PCDHGB1: variants seen among roughly 807,000 people sequenced by gnomAD.
PCDHGB1 encodes the protein protocadherin gamma-B1.
PCDHGB1 carries 34 observed loss-of-function variants against 56.6 expected under a neutral mutation model. The observed-to-expected ratio is 0.60, with a 90% CI of 0.46 to 0.80. The LOEUF is 0.80. PCDHGB1 is among the 30% of genes least tolerant of loss of function. PCDHGB1 has a pLI of 0.00. For missense variants in PCDHGB1, 1,278 were observed against 1,204.6 expected (o/e 1.06, Z -0.90); for synonymous variants, 561 against 505.9 (o/e 1.11, Z -1.46).
intron 1 of PCDHGB1, chr5:141,430,769 G>T: frequency 6.6e-7 from 1 of 1,508,212 alleles, no homozygotes; most frequent in Non-Finnish European, 8.9e-7. Context: ...AATGATTCCT[G>T]CGCGACTGCA....
intron 1 of PCDHGB1, chr5:141,365,023 G>C (rs775697621): frequency 6.8e-6 from 11 of 1,613,854 alleles, no homozygotes; most frequent in Non-Finnish European, 9.3e-6. Context: ...TCCGTGTTAC[G>C]GTCCTCGACG....
At chr5:141,435,446 G>C (rs889481920) in intron 1 of PCDHGB1, among the ~76,000 whole-genome samples, 5 of 152,060 alleles carry the variant, frequency 3.3e-5, no homozygotes, top group African/African-American at 2.4e-5. Context: ...TCATTAATAC[G>C]ATATCTGTAT....
intron 1 of PCDHGB1, chr5:141,385,306 A>T (rs1479708640): frequency 8.7e-6 from 14 of 1,612,618 alleles, no homozygotes; most frequent in Non-Finnish European, 1.2e-5. Context: ...ATGTAAAGAA[A>T]ACCTGCCAAG....
chr5:141,427,434 A>G (rs2097026509), intron 1 of PCDHGB1: 1 of 473,650 alleles, frequency 2.1e-6, no homozygotes, highest in African/African-American at 2.0e-5. Context: ...TACATGCCTC[A>G]TAAACGAAAG....
chr5:141,413,077 G>A (rs2095603422), intron 1 of PCDHGB1: 1 of 1,287,542 alleles, frequency 7.8e-7, no homozygotes, highest in African/African-American at 1.5e-5. Context: ...AAGTGCCCAG[G>A]CTACAGAGAC....
Position 141,491,793 on chromosome 5 carries a change from C to T in PCDHGB1, c.2410-3014C>T, listed in dbSNP as rs2099730341. 4.0e-6 allele frequency: 6 copies of T among 1,511,410 alleles called. No individual in the cohort carries two copies. Among genetic ancestry groups the T allele is most frequent in the East Asian group, 2.5e-5 (1 of 40,660 alleles). The allele number at this position is 1,511,410 out of a possible 1,614,324, so 93.6% of individuals were successfully genotyped here. A position where few individuals can be genotyped will look rare whatever the true frequency, so the allele number is the denominator to read the frequency against. On this transcript the variant is annotated intron_variant, in intron 1 of 3. Transcript: ENST00000523390. This position sits in a 1 kb window ranked among gnomAD's most constrained non-coding sequence, Gnocchi z 6.9. ...AGGGATTGAACTTGCATCCACTCCT[C>T]TCCGGCCGGCTTGGTCGCTGGCTGC...
intron 1 of PCDHGB1, chr5:141,378,642 C>T (rs780445527): frequency 5.9e-5 from 9 of 152,098 alleles, no homozygotes; most frequent in Non-Finnish European, 1.3e-4. Context: ...AATGGGAGAA[C>T]AAATGTTAAT....
At chr5:141,456,827 G>A (rs183303757) in intron 1 of PCDHGB1, among the ~76,000 whole-genome samples, 13 of 152,236 alleles carry the variant, frequency 8.5e-5, no homozygotes, top group South Asian at 2.1e-4. Flanking sequence ...AGCCATCGTG[G>A]TAGTGGGCGC....
At chr5:141,464,604 G>A (rs1445968596) in intron 1 of PCDHGB1, among the ~76,000 whole-genome samples, 1 of 152,106 alleles carries the variant, frequency 6.6e-6, no homozygotes, top group East Asian at 1.9e-4. Context: ...AGTCTCCTTT[G>A]CAGAGTATAT....
intron 1 of PCDHGB1, among the ~76,000 whole-genome samples, chr5:141,472,969 A>G: frequency 6.8e-6 from 1 of 147,990 alleles, no homozygotes; most frequent in Non-Finnish European, 1.5e-5. Flanking sequence ...CTGGGGAACA[A>G]GAGTGAAACT....
At chr5:141,362,681 T>A in intron 1 of PCDHGB1, 1 of 1,158,954 alleles carries the variant, frequency 8.6e-7, no homozygotes, top group Non-Finnish European at 1.2e-6. Flanking sequence ...TTAATTGTCT[T>A]AATCTTATCT....
At chr5:141,389,388 T>C (rs375763465) in intron 1 of PCDHGB1, 34 of 1,613,602 alleles carry the variant, frequency 2.1e-5, no homozygotes, top group Non-Finnish European at 2.6e-5. Context: ...GCTGTCATCC[T>C]ACGTGTCCAT....
At chr5:141,426,442 G>A (rs1205822455) in intron 1 of PCDHGB1, 9 of 306,752 alleles carry the variant, frequency 2.9e-5, no homozygotes, top group African/African-American at 4.3e-5. Context: ...CCTTGCGGAG[G>A]ACATGCGGCT....
chr5:141,352,342 G>T lies in PCDHGB1; in HGVS notation c.2082G>T (p.Leu694Phe). Residue 694 changes from leucine to phenylalanine, a missense_variant, in exon 1 of 4, where the codon TTG becomes TTT. Physicochemically the swap from Leu to Phe is conservative, Grantham distance 22. Transcript: ENST00000523390. Reference sequence around the variant, plus strand: ...TTTACCTGGTTGTGGCCTTGGCCTTGATCTCAGTGCTCTTTCTCCTCGCGG... The same window carrying T: ...TTTACCTGGTTGTGGCCTTGGCCTTTATCTCAGTGCTCTTTCTCCTCGCGG... ...LQFYLVVALA[L>F]ISVLFLLAVI... is the part of the protein sequence containing the mutation. 1 of 1,614,068 alleles carries T rather than the reference G, an allele frequency of 6.2e-7. No homozygotes were observed.
chr5:141,351,787 G>A lies in PCDHGB1; in HGVS notation c.1527G>A (p.Val509=), dbSNP rs1758823316. The A allele has an allele frequency of 6.2e-7, 1 of 1,613,298 alleles. No individual in the cohort carries two copies. The highest frequency in any genetic ancestry group is 1.7e-5 in the Admixed American group (1 of 60,012). ...TGTCCGTGAGCCCGCAGAGCGGGGT[G>A]GTGTTCGCGCAGCGCGCCTTCGACC... is the stretch of plus-strand genomic sequence containing the variant. ...SYVSVSPQSG[V]VFAQRAFDHE... is the part of the protein sequence containing the mutation. The change falls in exon 1 of 4, where the codon GTG becomes GTA. Residue 509 remains valine (V), a synonymous_variant. Transcript: ENST00000523390.
intron 1 of PCDHGB1, among the ~76,000 whole-genome samples, chr5:141,473,948 A>ACC (rs2099333859): frequency 1.3e-5 from 2 of 152,182 alleles, no homozygotes; most frequent in Non-Finnish European, 2.9e-5. Context: ...TCAGGCCTGT[A>ACC]GTCCCATCTA....
At chr5:141,364,333 G>A in intron 1 of PCDHGB1, 1 of 1,532,742 alleles carries the variant, frequency 6.5e-7, no homozygotes. Flanking sequence ...AGAAGGCAAT[G>A]GCGAGTCCAC....
In PCDHGB1 at chr5:141,376,000, G is replaced by A. The variant is rs771269314; in HGVS notation, c.2409+23331G>A. The A allele has an allele frequency of 1.4e-5, 22 of 1,613,334 alleles. No individual in the cohort carries two copies. In the Admixed American group the frequency reaches 3.3e-4, roughly 24 times the overall value. On this transcript the variant is annotated intron_variant, in intron 1 of 3. Transcript: ENST00000523390. Reference sequence around the variant, plus strand: ...CCCTGCTGGACAGAGACGCGCTCAAGCAGAGCCTAGTGGTGGCCGTCCAGG... The same window carrying A: ...CCCTGCTGGACAGAGACGCGCTCAAACAGAGCCTAGTGGTGGCCGTCCAGG...
intron 1 of PCDHGB1, among the ~76,000 whole-genome samples, chr5:141,435,568 A>C (rs564789030): frequency 8.7e-4 from 132 of 152,274 alleles, no homozygotes; most frequent in Middle Eastern, 6.8e-3. Context: ...TTTTTTTAGT[A>C]CTGGGGCAAA....
Sources: gnomAD v4.1 joint callset for allele counts (sites outside exome capture counted in the v4.1 genomes callset) on GRCh38, gnomAD v4.1.1 for gene constraint, Gnocchi (gnomAD v3.1) non-coding constraint, MANE v1.5 for transcripts, NCBI Gene and HGNC (gene_info 2026-07-23, HGNC 2026-07-21) for gene names.